KANK2: variants seen among roughly 807,000 people sequenced by gnomAD.
KANK2 encodes the protein KN motif and ankyrin repeat domains 2, also known as KN motif and ankyrin repeat domain-containing protein 2.
Under a neutral mutation model 74.6 loss-of-function variants are expected in KANK2, and 41 were observed. The ratio of observed to expected loss-of-function variants is 0.55; its 90% CI spans 0.43 to 0.71. The LOEUF (loss-of-function observed/expected upper bound fraction) is 0.71, where lower values mean the gene tolerates loss of function less well. KANK2 is among the 30% of genes least tolerant of loss of function. KANK2 has a pLI of 0.00. For missense variants in KANK2, 1,148 were observed against 1,196.4 expected (o/e 0.96, Z 0.60); for synonymous variants, 537 against 519.0 (o/e 1.03, Z -0.47).
At chr19:11,172,148 T>A (rs11880570) in intron 10 of KANK2, among the ~76,000 whole-genome samples, 14 of 151,696 alleles carry the variant, frequency 9.2e-5, no homozygotes, top group Admixed American at 3.9e-4. Flanking sequence ...GCTAATTTTT[T>A]AATTTTTTAG....
intron 12 of KANK2, among the ~76,000 whole-genome samples, chr19:11,169,261 C>G (rs1462170937): frequency 6.6e-6 from 1 of 152,062 alleles, no homozygotes; most frequent in Non-Finnish European, 1.5e-5. Context: ...TTGCTCGAAC[C>G]TGGGAGATAC....
At chr19:11,184,245 A>T in intron 4 of KANK2, among the ~76,000 whole-genome samples, 2 of 142,934 alleles carry the variant, frequency 1.4e-5, no homozygotes, top group Non-Finnish European at 1.6e-5. Context: ...GTATGCTGGC[A>T]GGCACCTGTA....
At chr19:11,171,092 C>T (rs900578324) in intron 10 of KANK2, among the ~76,000 whole-genome samples, 8 of 152,170 alleles carry the variant, frequency 5.3e-5, no homozygotes, top group Non-Finnish European at 8.8e-5. Context: ...CGTGAGCCAT[C>T]GTGCCCAGCC....
At chr19:11,187,529 G>A (rs926518547) in intron 4 of KANK2, among the ~76,000 whole-genome samples, 1 of 152,174 alleles carries the variant, frequency 6.6e-6, no homozygotes, top group African/African-American at 2.4e-5. Context: ...AGAGCGGAGG[G>A]TGGTGAGCTT....
intron 2 of KANK2, among the ~76,000 whole-genome samples, chr19:11,195,347 G>A (rs2078987631): frequency 6.6e-6 from 1 of 151,980 alleles, no homozygotes; most frequent in African/African-American, 2.4e-5. Context: ...CCTGGAGGCT[G>A]CAAAAGGGAG....
At chr19:11,192,770 T>G in intron 4 of KANK2, 61 bp downstream of exon 4, 1 of 1,563,792 alleles carries the variant, frequency 6.4e-7, no homozygotes, top group Non-Finnish European at 8.7e-7. Flanking sequence ...GGATGAGCCA[T>G]GGGAAGAAAG....
Position 11,169,915 on chromosome 19 carries a change from C to G in KANK2, c.2464G>C (p.Ala822Pro). The change falls in exon 12 of 13, where the codon GCG becomes CCG. Residue 822 changes from alanine (A) to proline (P), a missense_variant. By Grantham distance (27) the Ala-to-Pro change is conservative (BLOSUM62 -1). Coordinates refer to ENST00000586659, the MANE Select transcript of KANK2 (RefSeq NM_001136191.3). Reference sequence around the variant, plus strand: ...TTCATGCGGGAATACAGCATGGACGCAATCTCACTCTGCCCTGCGTCCAAG... The same window carrying G: ...TTCATGCGGGAATACAGCATGGACGGAATCTCACTCTGCCCTGCGTCCAAG... ...VALDAGQSEI[A>P]SMLYSRMNIK... 7.4e-6 allele frequency: 12 copies of G among 1,614,198 alleles called. No homozygotes were observed. The highest frequency in any genetic ancestry group is 1.0e-5 in the Non-Finnish European group (12 of 1,180,032).
Position 11,175,427 on chromosome 19 carries a change from C to CAAAAA in KANK2, c.1848+470_1848+474dup, listed in dbSNP as rs753933217. On this transcript the variant is annotated intron_variant, in intron 8 of 12. Transcript: ENST00000586659. ...TGGGTGACAGAGCAAGACTCCCTCTCAAAAAAAAAAAAAAAAAAAAAAAAA... is the reference window on the plus strand; with the variant it reads ...TGGGTGACAGAGCAAGACTCCCTCTCAAAAAAAAAAAAAAAAAAAAAAAAAAAAAA... Among the ~76,000 whole-genome samples, 125 of 14,938 alleles carry CAAAAA rather than the reference C, an allele frequency of 8.4e-3. 5 individuals are homozygous for CAAAAA. Among genetic ancestry groups the CAAAAA allele is most frequent in the Non-Finnish European group, 0.011 (80 of 6,972 alleles). The allele number at this position is 14,938 out of a possible 152,430, so 9.8% of individuals were successfully genotyped here.
intron 4 of KANK2, among the ~76,000 whole-genome samples, chr19:11,185,934 G>A (rs1434687138): frequency 6.6e-6 from 1 of 152,206 alleles, no homozygotes; most frequent in Non-Finnish European, 1.5e-5. Context: ...AGGAGGCTGA[G>A]GTGGAGGGAT....
At chr19:11,189,465 A>G (rs1287105616) in intron 4 of KANK2, among the ~76,000 whole-genome samples, 2 of 151,682 alleles carry the variant, frequency 1.3e-5, no homozygotes, top group African/African-American at 2.4e-5. Context: ...TTAGTCAGTC[A>G]TGGTGGTGCA....
intron 12 of KANK2, 96 bp downstream of exon 12, chr19:11,169,781 A>T: frequency 9.6e-7 from 1 of 1,039,620 alleles, no homozygotes; most frequent in Middle Eastern, 2.0e-4. Flanking sequence ...ACCCTGGGCG[A>T]CAGAGTGAGA....
chr19:11,171,560 G>C lies in KANK2; in HGVS notation c.2212-1312C>G, dbSNP rs946595048. On this transcript the variant is annotated intron_variant, in intron 10 of 12. Transcript: ENST00000586659. ...TTTTTAATAGAGAGGAGGTGGGGGT[G>C]GGGGGGTGTCTCTAGGTTCCCCAGG... Among the ~76,000 whole-genome samples, 3 of 141,640 alleles carry C rather than the reference G, an allele frequency of 2.1e-5. No individual in the cohort carries two copies. In the East Asian group the frequency reaches 5.8e-4, roughly 27 times the overall value. The allele number at this position is 141,640 out of a possible 152,430, so 92.9% of individuals were successfully genotyped here.
chr19:11,170,715 C>T lies in KANK2; in HGVS notation c.2212-467G>A, dbSNP rs111228730. Among the ~76,000 whole-genome samples the T allele has an allele frequency of 0.024, 3,720 of 152,248 alleles. 146 individuals carry two copies. The highest frequency in any genetic ancestry group is 0.085 in the African/African-American group (3,549 of 41,530). The stretch of plus-strand genomic sequence containing the variant: ...AGGTGATCCTCCCACCTCAGCCTCC[C>T]GAGTAGCTGAGACTACAGGCATGCG... On this transcript the variant is annotated intron_variant, in intron 10 of 12. Coordinates refer to ENST00000586659, the MANE Select transcript of KANK2 (RefSeq NM_001136191.3). The surrounding 1 kb of genome is among the most constrained non-coding windows in gnomAD (Gnocchi z 5.2).
rs143873045 is a variant in KANK2, at chr19:11,178,696, G to C, written c.1274C>G (p.Ser425Trp). 2.6e-6 allele frequency: 4 copies of C among 1,537,324 alleles called. No individual in the cohort carries two copies. Among genetic ancestry groups the C allele is most frequent in the East Asian group, 4.9e-5 (2 of 40,558 alleles). The change falls in exon 5 of 13, where the codon TCG becomes TGG. Residue 425 changes from serine (S) to tryptophan (W), a missense_variant. By Grantham distance (177) the Ser-to-Trp change is radical. Transcript: ENST00000586659. ...AAGLPEVPAE[S>W]SSSPPGSEVA... ...CTCGGACCCCGGGGGTGACGAAGAC[G>C]ATTCGGCAGGAACTTCTGGGAGGCC... is the stretch of plus-strand genomic sequence containing the variant.
intron 9 of KANK2, 54 bp downstream of exon 9, chr19:11,174,419 C>T: frequency 7.1e-7 from 1 of 1,410,124 alleles, no homozygotes; most frequent in Non-Finnish European, 9.8e-7. Flanking sequence ...TCAGACTGGG[C>T]ATGGCGGACA....
At chr19:11,171,808 T>C (rs547438922) in intron 10 of KANK2, among the ~76,000 whole-genome samples, 9 of 150,296 alleles carry the variant, frequency 6.0e-5, no homozygotes, top group Non-Finnish European at 1.2e-4. Context: ...GTAGCTGGGA[T>C]TACAGGCACA....
intron 9 of KANK2, among the ~76,000 whole-genome samples, chr19:11,174,224 C>A (rs2078264294): frequency 6.6e-6 from 1 of 152,216 alleles, no homozygotes; most frequent in Admixed American, 6.5e-5. Context: ...ATATACCCCA[C>A]CCCATTGAAC....
intron 12 of KANK2, among the ~76,000 whole-genome samples, chr19:11,168,728 A>G (rs1205203181): frequency 6.6e-6 from 1 of 152,158 alleles, no homozygotes; most frequent in East Asian, 1.9e-4. Context: ...AATGGTGACT[A>G]AGACACGCAT....
intron 4 of KANK2, 149 bp from the exon 5 acceptor site, chr19:11,178,869 G>C (rs1167110916): frequency 1.5e-6 from 1 of 687,836 alleles, no homozygotes; most frequent in Non-Finnish European, 2.2e-6. Context: ...AGGGAAATCG[G>C]ATTATTACAG....
Sources: allele counts gnomAD v4.1 joint callset (sites outside exome capture counted in the v4.1 genomes callset), GRCh38; gene constraint gnomAD v4.1.1; non-coding constraint Gnocchi (gnomAD v3.1); transcripts MANE v1.5; gene names NCBI Gene and HGNC (gene_info 2026-07-23, HGNC 2026-07-21).